CTC1: variants seen among roughly 807,000 people sequenced by gnomAD.
The protein encoded by CTC1 is CST telomere replication complex component 1.
CTC1 carries 91 observed loss-of-function variants against 136.3 expected under a neutral mutation model. The ratio of observed to expected loss-of-function variants is 0.67; its 90% CI spans 0.56 to 0.79. The LOEUF (loss-of-function observed/expected upper bound fraction) is 0.79. CTC1 is among the 30% of genes least tolerant of loss of function. The pLI, the probability that CTC1 is intolerant of heterozygous loss-of-function variation, is 0.00. For missense variants in CTC1, 1,432 were observed against 1,498.1 expected (o/e 0.96, Z 0.73); for synonymous variants, 606 against 613.8 (o/e 0.99, Z 0.19).
intron 1 of CTC1, among the ~76,000 whole-genome samples, chr17:8,243,888 A>C (rs1988478040): frequency 6.6e-6 from 1 of 152,204 alleles, no homozygotes; most frequent in Non-Finnish European, 1.5e-5. Flanking sequence ...CCTGGACAAC[A>C]TGGCGAAATC....
At chr17:8,233,144 C>T in intron 10 of CTC1, 112 bp from the exon 11 acceptor site, 1 of 1,243,422 alleles carries the variant, frequency 8.0e-7, no homozygotes, top group African/African-American at 1.5e-5. Context: ...ACAAAAAAGA[C>T]ACGTCTCTGG....
At chr17:8,229,588 A>C in intron 18 of CTC1, 142 bp from the exon 19 acceptor site, 1 of 710,804 alleles carries the variant, frequency 1.4e-6, no homozygotes, top group Non-Finnish European at 2.4e-6. Context: ...TAGAAGCCCC[A>C]TTTTAATTCC....
At chr17:8,232,837 T>C (rs1987361894) in intron 11 of CTC1, 69 bp downstream of exon 11, 1 of 1,582,826 alleles carries the variant, frequency 6.3e-7, no homozygotes, top group Admixed American at 1.8e-5. Context: ...AGGCTTTTCC[T>C]CCCAGGCTCC....
intron 5 of CTC1, among the ~76,000 whole-genome samples, chr17:8,237,035 C>G (rs1382826481): frequency 1.0e-5 from 1 of 97,590 alleles, no homozygotes; most frequent in Non-Finnish European, 2.3e-5. Context: ...CAGTAAGTAC[C>G]AAGTTTTTTT....
Position 8,234,452 on chromosome 17 carries a change from T to TA in CTC1, c.1818+2dup, listed in dbSNP as rs1987513506. Reference sequence around the variant, plus strand: ...ACCTGAGCCCTGCTAGGGTCCCCCTTACCTGGGCTGGGCAGAAGGCAGAGG... The same window carrying TA: ...ACCTGAGCCCTGCTAGGGTCCCCCTTAACCTGGGCTGGGCAGAAGGCAGAGG... On this transcript the variant is annotated splice_region_variant and intron_variant, in intron 10 of 22. Coordinates refer to ENST00000651323, the MANE Select transcript of CTC1 (RefSeq NM_025099.6). 1 of 1,551,760 alleles carries TA rather than the reference T, an allele frequency of 6.4e-7. No individual in the cohort carries two copies. The highest frequency in any genetic ancestry group is 8.7e-7 in the Non-Finnish European group (1 of 1,146,954).
rs546175465 is a variant in CTC1, at chr17:8,232,810, C to T, written c.1945+96G>A. The T allele has an allele frequency of 1.3e-4, 189 of 1,487,004 alleles. 1 individual carries two copies. The East Asian group carries it at 4.0e-3, about 32-fold the overall frequency. 92.1% of individuals were successfully genotyped at this position (1,487,004 alleles called of 1,614,324 possible). On this transcript the variant is annotated intron_variant, in intron 11 of 22. Coordinates refer to ENST00000651323, the MANE Select transcript of CTC1 (RefSeq NM_025099.6). Reference sequence around the variant, plus strand: ...TGATTGACATGTGTCACTTCTGCATCTCTAGTAAATCCCAGCAGGCTTTTC... The same window carrying T: ...TGATTGACATGTGTCACTTCTGCATTTCTAGTAAATCCCAGCAGGCTTTTC...
At chr17:8,237,920 G>T in intron 4 of CTC1, 111 bp downstream of exon 4, 1 of 839,672 alleles carries the variant, frequency 1.2e-6, no homozygotes, top group South Asian at 1.9e-5. Context: ...CCTTGATTTG[G>T]AACATTCAGT....
At chr17:8,229,774 C>T (rs1270224145) in intron 18 of CTC1, 117 bp downstream of exon 18, 1 of 824,558 alleles carries the variant, frequency 1.2e-6, no homozygotes. Context: ...TCTGACTCAA[C>T]ACATCTTGTT....
At chr17:8,246,325 C>A (rs113578840) in intron 1 of CTC1, among the ~76,000 whole-genome samples, 11 of 151,092 alleles carry the variant, frequency 7.3e-5, no homozygotes, top group Non-Finnish European at 1.3e-4. Flanking sequence ...ATGGGTTTAA[C>A]AGCCATGGCC....
Position 8,231,373 on chromosome 17 carries a change from A to G in CTC1, c.2572T>C (p.Trp858Arg). 6.2e-7 allele frequency: 1 copy of G among 1,613,410 alleles called. No homozygotes were observed. The highest frequency in any genetic ancestry group is 8.5e-7 in the Non-Finnish European group (1 of 1,179,376). Residue 858 changes from tryptophan (W) to arginine (R), a missense_variant, in exon 15 of 23, where the codon TGG (tryptophan) becomes CGG (arginine). By Grantham distance (101) the Trp-to-Arg change is moderately radical (BLOSUM62 -3). Transcript: ENST00000651323. ...TGGGAGCTTTCAAGCTCCAGAGTCC[A>G]GTTGTCCTGGACAGTGAGGCAGGAT... The part of the protein sequence containing the change: ...CASCLTVQDN[W>R]TLELESSQDI...
rs570408909 is a variant in CTC1, at chr17:8,227,946, G to A, written c.*234C>T. On this transcript the variant is annotated 3_prime_UTR_variant, in exon 23 of 23. Transcript: ENST00000651323. ...CAGGTGCTCAGGGCCGCCTGTGAAT[G>A]CAGGTGCCTTGTCCCAATCAGAGGA... The A allele has an allele frequency of 6.3e-4, 295 of 465,358 alleles. No individual in the cohort carries two copies. The highest frequency in any genetic ancestry group is 1.3e-3 in the Admixed American group (38 of 29,992). The allele number at this position is 465,358 out of a possible 1,614,324, so 28.8% of individuals were successfully genotyped here. A position where few individuals can be genotyped will look rare whatever the true frequency, so the allele number is the denominator to read the frequency against.
intron 1 of CTC1, among the ~76,000 whole-genome samples, chr17:8,243,393 C>T (rs1383762309): frequency 6.6e-6 from 1 of 151,926 alleles, no homozygotes; most frequent in East Asian, 1.9e-4. Context: ...GTGGTGCACA[C>T]CTATAATTCC....
At position 8,226,651 on chromosome 17, in the gene CTC1, G is replaced by A. The variant is rs977364976; in HGVS notation, c.*1529C>T. ...CGAACCTGCGCGGGGAGACCCCAAT[G>A]GATTTCTAGTCCATCGCCTTAACCA... is the stretch of plus-strand genomic sequence containing the variant. On this transcript the variant is annotated 3_prime_UTR_variant, in exon 23 of 23. Transcript: ENST00000651323. 5.9e-5 allele frequency: 9 copies of A among 152,218 alleles called. No homozygotes were observed. The highest frequency in any genetic ancestry group is 1.9e-4 in the East Asian group (1 of 5,194). The allele number at this position is 152,218 out of a possible 1,614,324, so 9.4% of individuals were successfully genotyped here.
chr17:8,240,302 G>A (rs956379398), intron 2 of CTC1, among the ~76,000 whole-genome samples: 2 of 151,662 alleles, frequency 1.3e-5, no homozygotes, highest in Admixed American at 6.6e-5. Flanking sequence ...CTACAGGCAT[G>A]TGCCACCATG....
rs1245812222 is a variant in CTC1 at position 8,244,425 on chromosome 17, G to T, written c.34-1277C>A. Reference sequence around the variant, plus strand: ...GCAGCTTTAACACACTTGGCAGTAGGCCCTTTATCCTTCTCCCTTAATGCT... The same window carrying T: ...GCAGCTTTAACACACTTGGCAGTAGTCCCTTTATCCTTCTCCCTTAATGCT... On this transcript the variant is annotated intron_variant, in intron 1 of 22. Transcript: ENST00000651323. Among the ~76,000 whole-genome samples, 10 of 152,134 alleles carry T rather than the reference G, an allele frequency of 6.6e-5. 1 individual carries two copies. The highest frequency in any genetic ancestry group is 6.6e-4 in the Admixed American group (10 of 15,264).
Position 8,226,624 on chromosome 17 carries a change from T to G in CTC1, c.*1556A>C, listed in dbSNP as rs1349808372. On this transcript the variant is annotated 3_prime_UTR_variant, in exon 23 of 23. Coordinates refer to ENST00000651323, the MANE Select transcript of CTC1 (RefSeq NM_025099.6). ...AAAAAATATGACGTAGTCGGCAGGA[T>G]TCGAACCTGCGCGGGGAGACCCCAA... 1 of 151,718 alleles carries G rather than the reference T, an allele frequency of 6.6e-6. No individual in the cohort carries two copies. The highest frequency in any genetic ancestry group is 2.4e-5 in the African/African-American group (1 of 41,006). 9.4% of individuals were successfully genotyped at this position (151,718 alleles called of 1,614,324 possible).
At chr17:8,230,900 G>A (rs1412976337) in intron 15 of CTC1, 2 of 526,032 alleles carry the variant, frequency 3.8e-6, no homozygotes, top group Admixed American at 6.6e-5. Context: ...ACTTTGGGAG[G>A]CTGAGGTGGG....
rs1986867408 is a variant in CTC1, at chr17:8,228,053, T to C, written c.*127A>G. The C allele has an allele frequency of 2.1e-6, 2 of 953,546 alleles. No individual in the cohort carries two copies. Among genetic ancestry groups the C allele is most frequent in the Non-Finnish European group, 3.1e-6 (2 of 635,548 alleles). The allele number at this position is 953,546 out of a possible 1,614,324, so 59.1% of individuals were successfully genotyped here. ...CCAGAACACCAAAGAAGGGAAATTA[T>C]AGTGGAGTAGCAGTTTGTGAATCTG... On this transcript the variant is annotated 3_prime_UTR_variant, in exon 23 of 23. Transcript: ENST00000651323.
At chr17:8,241,386 C>T (rs1490327191) in intron 2 of CTC1, among the ~76,000 whole-genome samples, 5 of 151,744 alleles carry the variant, frequency 3.3e-5, no homozygotes, top group African/African-American at 7.3e-5. Flanking sequence ...TCTGGAAGAC[C>T]GAGACGGCAG....
Sources: gnomAD v4.1 joint callset for allele counts (sites outside exome capture counted in the v4.1 genomes callset) on GRCh38, gnomAD v4.1.1 for gene constraint, MANE v1.5 for transcripts, NCBI Gene and HGNC (gene_info 2026-07-23, HGNC 2026-07-21) for gene names.